Variants in TPTE2 observed in about 807,000 individuals in gnomAD.
TPTE2 encodes phosphatidylinositol 3,4,5-trisphosphate 3-phosphatase TPTE2.
Under a neutral mutation model 78.6 loss-of-function variants are expected in TPTE2, and 53 were observed. The ratio of observed to expected loss-of-function variants is 0.67; its 90% confidence interval spans 0.54 to 0.85. The LOEUF is 0.85. Among genes scored for constraint, TPTE2 ranks in the 40% least tolerant of loss-of-function variants. The pLI, the probability that TPTE2 is intolerant of heterozygous loss-of-function variation, is 0.00. For synonymous variants in TPTE2, 175 were observed against 206.2 expected, an observed-to-expected ratio of 0.85 and a Z score of 1.30; for missense variants, 461 against 623.0, an observed-to-expected ratio of 0.74 and a Z score of 2.77.
intron 1 of TPTE2, among the ~76,000 whole-genome samples, chr13:19,525,954 A>G (rs138632289): frequency 8.5e-5 from 13 of 152,252 alleles, no homozygotes; most frequent in African/African-American, 3.1e-4. Flanking sequence ...CAACATCACT[A>G]ATACTAGAGA....
upstream of TPTE2, among the ~76,000 whole-genome samples, chr13:19,540,157 A>G (rs1871398988): frequency 6.6e-6 from 1 of 152,098 alleles, no homozygotes; most frequent in Non-Finnish European, 1.5e-5. Flanking sequence ...AAAATAAAAT[A>G]AAATAAATCC....
At chr13:19,449,530 T>C (rs1183298597) in intron 13 of TPTE2, among the ~76,000 whole-genome samples, 1 of 152,176 alleles carries the variant, frequency 6.6e-6, no homozygotes, top group Non-Finnish European at 1.5e-5. Context: ...CCACAGTTAA[T>C]AATAATGTAT....
chr13:19,482,280 A>T (rs953007703), intron 4 of TPTE2, among the ~76,000 whole-genome samples: 1 of 152,150 alleles, frequency 6.6e-6, no homozygotes, highest in African/African-American at 2.4e-5. Flanking sequence ...CTAGAAGAAC[A>T]TTTATTTCTG....
rs926738099 is a variant in TPTE2 at position 19,486,964 on chromosome 13, T to C, written c.120-4417A>G. On this transcript the variant is annotated intron_variant, in intron 3 of 19. Coordinates refer to ENST00000400230, the Ensembl canonical transcript of TPTE2. The surrounding 1 kb of genome is among the most constrained non-coding windows in gnomAD (Gnocchi z 4.3). ...GCTCGGCTGGCCTAGGGGCATGTCT[T>C]CTGGAAGTAGCCCATGGAGCTCTTT... Among the ~76,000 whole-genome samples the C allele has an allele frequency of 3.3e-5, 5 of 152,162 alleles. No individual in the cohort carries two copies. The highest frequency in any genetic ancestry group is 9.7e-5 in the African/African-American group (4 of 41,426).
chr13:19,540,617 T>A (rs999243510), upstream of TPTE2, among the ~76,000 whole-genome samples: 1 of 152,118 alleles, frequency 6.6e-6, no homozygotes, highest in African/African-American at 2.4e-5. Flanking sequence ...TATCTCTTTA[T>A]TATTTTTATT....
At chr13:19,479,296 G>A (rs1052266677) in intron 4 of TPTE2, among the ~76,000 whole-genome samples, 5 of 152,162 alleles carry the variant, frequency 3.3e-5, no homozygotes, top group African/African-American at 1.2e-4. Context: ...GAAGAAGACA[G>A]AAGTAAAGGC....
At chr13:19,548,920 A>G in the TPTE2 span, among the ~76,000 whole-genome samples, 1 of 152,090 alleles carries the variant, frequency 6.6e-6, no homozygotes, top group Non-Finnish European at 1.5e-5. Flanking sequence ...GGAGTTCAAG[A>G]CCAGCCTGGC....
At chr13:19,443,746 AC>A (rs1289591594) in intron 13 of TPTE2, among the ~76,000 whole-genome samples, 12 of 130,228 alleles carry the variant, frequency 9.2e-5, no homozygotes, top group African/African-American at 3.8e-4. Flanking sequence ...ATACACACAC[AC>A]ACACACACAC....
chr13:19,546,228 G>A, the TPTE2 span, among the ~76,000 whole-genome samples: 4 of 151,908 alleles, frequency 2.6e-5, no homozygotes, highest in Admixed American at 6.6e-5. Context: ...ACCTGTGCAC[G>A]GCTGTTCAGC....
chr13:19,542,659 C>T, the TPTE2 span, among the ~76,000 whole-genome samples: 1 of 152,036 alleles, frequency 6.6e-6, no homozygotes, highest in Non-Finnish European at 1.5e-5. Context: ...GGGGGTTCAT[C>T]TTGGCTTCAT....
intron 1 of TPTE2, among the ~76,000 whole-genome samples, chr13:19,524,339 A>G (rs1268774725): frequency 1.3e-5 from 2 of 152,208 alleles, no homozygotes; most frequent in African/African-American, 4.8e-5. Flanking sequence ...TTAGGCTGGA[A>G]TTTGAATTTA....
chr13:19,512,564 G>A (rs1348762735), intron 1 of TPTE2, among the ~76,000 whole-genome samples: 2 of 145,766 alleles, frequency 1.4e-5, no homozygotes, highest in Non-Finnish European at 3.0e-5. Context: ...GTGGTGAATA[G>A]ATAATCTGCA....
At chr13:19,432,513 C>T (rs1876731094) in exon 16 of TPTE2, 1 of 1,607,222 alleles carries the variant, frequency 6.2e-7, no homozygotes, top group East Asian at 2.2e-5. Flanking sequence ...TAAAGAGTAT[C>T]CGTCTTGGAG....
chr13:19,479,769 C>T (rs913813608), intron 4 of TPTE2, among the ~76,000 whole-genome samples: 6 of 151,996 alleles, frequency 3.9e-5, no homozygotes, highest in African/African-American at 1.2e-4. Context: ...TGAGACCATC[C>T]TGGCCAACAT....
intron 4 of TPTE2, among the ~76,000 whole-genome samples, chr13:19,479,432 A>T (rs1407616843): frequency 6.6e-6 from 1 of 152,196 alleles, no homozygotes; most frequent in Non-Finnish European, 1.5e-5. Flanking sequence ...CTTGCATATC[A>T]ATAAAAAATG....
At chr13:19,478,095 T>C (rs1880084809) in intron 4 of TPTE2, among the ~76,000 whole-genome samples, 1 of 152,128 alleles carries the variant, frequency 6.6e-6, no homozygotes, top group South Asian at 2.1e-4. Flanking sequence ...TAATAATTGT[T>C]AATGTAGCAT....
chr13:19,561,019 C>T, the TPTE2 span: 2 of 1,576,128 alleles, frequency 1.3e-6, no homozygotes, highest in South Asian at 1.2e-5. Flanking sequence ...CCCCACAGAC[C>T]AGGCAGAGGC....
At chr13:19,527,643 G>T (rs1210399317) in intron 1 of TPTE2, among the ~76,000 whole-genome samples, 1 of 152,120 alleles carries the variant, frequency 6.6e-6, no homozygotes, top group Non-Finnish European at 1.5e-5. Context: ...GGGAGACCAA[G>T]GCAGGCACAT....
chr13:19,457,604 T>C (rs1878621706), intron 10 of TPTE2, among the ~76,000 whole-genome samples: 1 of 152,036 alleles, frequency 6.6e-6, no homozygotes, highest in Non-Finnish European at 1.5e-5. Context: ...CTCCCGCATG[T>C]AAGTGAGAAC....
Sources: allele counts gnomAD v4.1 joint callset (sites outside exome capture counted in the v4.1 genomes callset), GRCh38; gene constraint gnomAD v4.1.1; non-coding constraint Gnocchi (gnomAD v3.1); transcripts MANE v1.5; gene names NCBI Gene and HGNC (gene_info 2026-07-23, HGNC 2026-07-21).